Variants in UGT1A10 observed in about 807,000 individuals in gnomAD.
UGT1A10 encodes UDP glucuronosyltransferase family 1 member A10.
UGT1A10 carries 49 observed loss-of-function variants against 45.8 expected under a neutral mutation model. That is an observed-to-expected ratio of 1.07 (90% confidence interval 0.85 to 1.36). UGT1A10 has a LOEUF of 1.36. Ranked by LOEUF, UGT1A10 falls within the 40% of genes most tolerant of loss-of-function variation. The pLI, the probability that UGT1A10 is intolerant of heterozygous loss-of-function variation, is 0.00. For missense variants in UGT1A10, 745 were observed against 668.6 expected (o/e 1.11, Z -1.26); for synonymous variants, 284 against 249.7 (o/e 1.14, Z -1.29).
At chr2:233,755,222 G>A in intron 1 of UGT1A10, 1 of 994,216 alleles carries the variant, frequency 1.0e-6, no homozygotes, top group Admixed American at 1.9e-5. Flanking sequence ...TGATACCCTC[G>A]GACGAGGCCT....
At chr2:233,698,440 A>G (rs996104849) in intron 1 of UGT1A10, among the ~76,000 whole-genome samples, 1 of 152,260 alleles carries the variant, frequency 6.6e-6, no homozygotes, top group African/African-American at 2.4e-5. Context: ...AAGAAGATAT[A>G]TCACAGATCA....
intron 1 of UGT1A10, among the ~76,000 whole-genome samples, chr2:233,732,921 ATTGATTCTTCC>A (rs2078336368): frequency 6.6e-6 from 1 of 151,962 alleles, no homozygotes; most frequent in African/African-American, 2.4e-5. Flanking sequence ...TTTTCACGAT[ATTGATTCTTCC>A]TATCCATGAG....
chr2:233,694,576 A>G (rs953285020), intron 1 of UGT1A10, among the ~76,000 whole-genome samples: 9 of 152,212 alleles, frequency 5.9e-5, no homozygotes, highest in Admixed American at 3.9e-4. Flanking sequence ...ATTTCAATGT[A>G]AATATTTACA....
chr2:233,743,525 C>T (rs1559387146), intron 1 of UGT1A10: 1 of 1,367,234 alleles, frequency 7.3e-7, no homozygotes, highest in Non-Finnish European at 9.8e-7. Flanking sequence ...CTTCTGCTTC[C>T]CCAGCAGTTC....
At chr2:233,750,460 A>G (rs1694463339) in intron 1 of UGT1A10, among the ~76,000 whole-genome samples, 1 of 152,018 alleles carries the variant, frequency 6.6e-6, no homozygotes, top group South Asian at 2.1e-4. Flanking sequence ...CCAGCTACAG[A>G]AATACTGGCT....
chr2:233,719,572 A>T (rs2076782519), intron 1 of UGT1A10: 1 of 1,613,740 alleles, frequency 6.2e-7, no homozygotes, highest in Admixed American at 1.7e-5. Context: ...CTTGTCAGCT[A>T]TGCATCCGTG....
chr2:233,718,011 C>T (rs889602207), intron 1 of UGT1A10: 3 of 401,954 alleles, frequency 7.5e-6, no homozygotes, highest in African/African-American at 6.2e-5. Flanking sequence ...TGAGGCCAGG[C>T]TCCAGCTCCC....
chr2:233,653,248 C>T (rs1396167031), intron 1 of UGT1A10, among the ~76,000 whole-genome samples: 1 of 152,114 alleles, frequency 6.6e-6, no homozygotes, highest in Non-Finnish European at 1.5e-5. Context: ...ATTTGAAAAA[C>T]ATATAAAAAC....
rs760358460 is a variant in UGT1A10 at position 233,693,812 on chromosome 2, A to C, written c.855+56435A>C. 22 of 1,614,124 alleles carry C rather than the reference A, an allele frequency of 1.4e-5. No homozygotes were observed. In the South Asian group the frequency reaches 2.3e-4, roughly 17 times the overall value. On this transcript the variant is annotated intron_variant, in intron 1 of 4. Transcript: ENST00000344644. ...TGAATATCCTAGGCCGGTCATGCCC[A>C]ACATGGTCTTCATTGGAGGTATCAA... is the stretch of plus-strand genomic sequence containing the variant.
intron 1 of UGT1A10, among the ~76,000 whole-genome samples, chr2:233,763,591 A>G (rs1698352933): frequency 6.6e-6 from 1 of 152,190 alleles, no homozygotes; most frequent in Non-Finnish European, 1.5e-5. Flanking sequence ...TCCTTTGTTA[A>G]CTAAAAATGC....
chr2:233,680,252 A>G (rs1339580388), intron 1 of UGT1A10, among the ~76,000 whole-genome samples: 1 of 152,136 alleles, frequency 6.6e-6, no homozygotes, highest in Non-Finnish European at 1.5e-5. Flanking sequence ...ATTACACTAA[A>G]CATGATGAAA....
chr2:233,751,498 G>T (rs1694741950), intron 1 of UGT1A10, among the ~76,000 whole-genome samples: 1 of 152,208 alleles, frequency 6.6e-6, no homozygotes, highest in Non-Finnish European at 1.5e-5. Flanking sequence ...CATGAGATTT[G>T]GGAGGGGCCA....
chr2:233,759,533 T>A (rs1026147769), intron 1 of UGT1A10, among the ~76,000 whole-genome samples: 11 of 151,998 alleles, frequency 7.2e-5, no homozygotes, highest in African/African-American at 2.7e-4. Context: ...AAGACTTCTG[T>A]TCACATGCGC....
At chr2:233,734,343 T>G (rs1193439739) in intron 1 of UGT1A10, among the ~76,000 whole-genome samples, 2 of 152,200 alleles carry the variant, frequency 1.3e-5, no homozygotes, top group Admixed American at 6.5e-5. Flanking sequence ...TGATGGTAGT[T>G]TGTATTTCTG....
chr2:233,770,905 C>G (rs1053326631), intron 4 of UGT1A10: 4 of 152,124 alleles, frequency 2.6e-5, no homozygotes, highest in Non-Finnish European at 5.9e-5. Context: ...GCAGGCTGTA[C>G]AGGAAGCTTA....
rs1267717516 is a variant in UGT1A10, at chr2:233,755,162, G to A, written c.856-11872G>A. 1.3e-4 allele frequency: 162 copies of A among 1,279,924 alleles called. 2 individuals carry two copies. The highest frequency in any genetic ancestry group is 5.7e-5 in the Admixed American group (3 of 52,216). The allele number at this position is 1,279,924 out of a possible 1,614,324, so 79.3% of individuals were successfully genotyped here. A position where few individuals can be genotyped will look rare whatever the true frequency, so the allele number is the denominator to read the frequency against. Reference sequence around the variant, plus strand: ...TTCTCACCGCTTCCTCCCTGTCCTCGGGGTTTTTGTCGGGGTGCCACTTGA... The same window carrying A: ...TTCTCACCGCTTCCTCCCTGTCCTCAGGGTTTTTGTCGGGGTGCCACTTGA... On this transcript the variant is annotated intron_variant, in intron 1 of 4. Coordinates refer to ENST00000344644, the MANE Select transcript of UGT1A10 (RefSeq NM_019075.4).
chr2:233,757,306 AG>A (rs1394181032), intron 1 of UGT1A10, among the ~76,000 whole-genome samples: 3 of 7,688 alleles, frequency 3.9e-4, no homozygotes, highest in African/African-American at 1.6e-3. Context: ...GTTGGGGGAC[AG>A]GGGGGCTGGG....
intron 1 of UGT1A10, among the ~76,000 whole-genome samples, chr2:233,659,755 A>C (rs1014429944): frequency 2.0e-5 from 3 of 152,230 alleles, no homozygotes; most frequent in African/African-American, 7.2e-5. Flanking sequence ...ATTCTTCTTC[A>C]CCATTTGCTT....
chr2:233,670,184 A>G (rs1371794561), intron 1 of UGT1A10, among the ~76,000 whole-genome samples: 1 of 152,246 alleles, frequency 6.6e-6, no homozygotes, highest in African/African-American at 2.4e-5. Context: ...TTAAGTATTC[A>G]TTAAGTGGAA....
Sources: allele counts gnomAD v4.1 joint callset (sites outside exome capture counted in the v4.1 genomes callset), GRCh38; gene constraint gnomAD v4.1.1; transcripts MANE v1.5; gene names NCBI Gene and HGNC (gene_info 2026-07-23, HGNC 2026-07-21).